CYLD: variants seen among roughly 807,000 people sequenced by gnomAD.
CYLD encodes the protein CYLD lysine 63 deubiquitinase.
In CYLD, 26 loss-of-function variants were observed where a neutral mutation model predicts 104.5. The observed-to-expected ratio is 0.25, with a 90% CI of 0.18 to 0.35. The LOEUF (loss-of-function observed/expected upper bound fraction) is 0.35. Among genes scored for constraint, CYLD ranks in the 10% least tolerant of loss-of-function variants. CYLD has a pLI of 1.00. For synonymous variants in CYLD, 385 were observed against 399.9 expected (o/e 0.96, Z 0.45); for missense variants, 703 against 1,136.1 (o/e 0.62, Z 5.48).
intron 11 of CYLD, 55 bp from the exon 12 acceptor site, chr16:50,784,274 G>A (rs1970585122): frequency 1.3e-6 from 2 of 1,576,138 alleles, no homozygotes; most frequent in Non-Finnish European, 1.7e-6. Flanking sequence ...TTAAAAATCT[G>A]TTTCTTGAAA....
In CYLD at chr16:50,799,442, T is replaced by C. The variant is rs1972308887; in HGVS notation, c.*2934T>C. ...ACTCCATCCACAGAAGAATGTTTTA[T>C]AAGACTAGGAAAACACGTTGAAAAC... On this transcript the variant is annotated 3_prime_UTR_variant, in exon 19 of 19. Coordinates refer to ENST00000427738, the MANE Select transcript of CYLD (RefSeq NM_001378743.1). 1 of 233,618 alleles carries C rather than the reference T, an allele frequency of 4.3e-6. No individual in the cohort carries two copies. The highest frequency in any genetic ancestry group is 2.2e-5 in the African/African-American group (1 of 45,326). The allele number at this position is 233,618 out of a possible 1,614,324, so 14.5% of individuals were successfully genotyped here.
In CYLD at chr16:50,742,802, C is replaced by CCGGA. The variant is rs1226137908; in HGVS notation, c.-162_-159dup. Reference sequence around the variant, plus strand: ...GGTGAGGATGGTTCTACACAGCCACCCGGAGTTCCTTAGTTGAAAGGTGCG... The same window carrying CCGGA: ...GGTGAGGATGGTTCTACACAGCCACCCGGACGGAGTTCCTTAGTTGAAAGGTGCG... On this transcript the variant is annotated 5_prime_UTR_variant, in exon 2 of 19. It removes the in-frame stop codon of an upstream open reading frame in the 5' UTR. Coordinates refer to ENST00000427738, the MANE Select transcript of CYLD (RefSeq NM_001378743.1). 1.0e-5 allele frequency: 4 copies of CCGGA among 397,456 alleles called. No homozygotes were observed. Among genetic ancestry groups the CCGGA allele is most frequent in the Non-Finnish European group, 1.8e-5 (4 of 225,752 alleles). The allele number at this position is 397,456 out of a possible 1,614,324, so 24.6% of individuals were successfully genotyped here. A position where few individuals can be genotyped will look rare whatever the true frequency, so the allele number is the denominator to read the frequency against.
chr16:50,791,490 A>C, intron 14 of CYLD, 68 bp from the exon 15 acceptor site: 1 of 1,564,046 alleles, frequency 6.4e-7, no homozygotes, highest in Non-Finnish European at 8.8e-7. Context: ...CTGCTGGGAC[A>C]ACTTAACATT....
intron 1 of CYLD, chr16:50,742,554 C>A: frequency 5.0e-6 from 1 of 201,606 alleles, no homozygotes; most frequent in Non-Finnish European, 9.8e-6. Flanking sequence ...CCGCCCCCCA[C>A]CCCATTTACA....
chr16:50,786,547 G>A, intron 12 of CYLD: 5 of 298,582 alleles, frequency 1.7e-5, no homozygotes, highest in South Asian at 1.6e-4. Flanking sequence ...ATCACTTGAG[G>A]CCAGGAGTTC....
intron 5 of CYLD, among the ~76,000 whole-genome samples, chr16:50,761,231 A>G (rs1162639953): frequency 6.6e-6 from 1 of 151,586 alleles, no homozygotes; most frequent in East Asian, 1.9e-4. Flanking sequence ...CTCATTTGTC[A>G]TTTGTCTTTT....
chr16:50,742,714 A>C, intron 1 of CYLD, 48 bp from the exon 2 acceptor site: 1 of 398,492 alleles, frequency 2.5e-6, no homozygotes. Context: ...CAGGAATGGC[A>C]GTCGGGGTTC....
chr16:50,792,118 T>C (rs573740690), intron 15 of CYLD, among the ~76,000 whole-genome samples: 1 of 152,348 alleles, frequency 6.6e-6, no homozygotes, highest in African/African-American at 2.4e-5. Context: ...ATTTTTCTTT[T>C]ATTGTCCAAG....
In CYLD at chr16:50,794,189, A is replaced by T; in HGVS notation, c.2470-23A>T. The T allele has an allele frequency of 6.2e-7, 1 of 1,606,614 alleles. No homozygotes were observed. The highest frequency in any genetic ancestry group is 2.2e-5 in the East Asian group (1 of 44,848). On this transcript the variant is annotated intron_variant, in intron 17 of 18. Coordinates refer to ENST00000427738, the MANE Select transcript of CYLD (RefSeq NM_001378743.1). This position sits in a 1 kb window ranked among gnomAD's most constrained non-coding sequence, Gnocchi z 4.1. ...GATCCACCAGCCTCGGCCTAATGAC[A>T]TTCTTTTCATGGTCCATTTTAGGTC...
chr16:50,779,715 C>A lies in CYLD; in HGVS notation c.1189C>A (p.Arg397Ser), dbSNP rs149427272. The change falls in exon 9 of 19, where the codon CGT becomes AGT. Residue 397 changes from arginine to serine, a missense_variant. Physicochemically the swap from Arg to Ser is moderately radical, Grantham distance 110. Transcript: ENST00000427738. ...TACAGAGATATCTACAGACTTTGAC[C>A]GTTCTTCACCACCACTCCAGCCTCC... ...SLTEISTDFD[R>S]SSPPLQPPPV... 11 of 1,613,816 alleles carry A rather than the reference C, an allele frequency of 6.8e-6. No homozygotes were observed. The East Asian group carries it at 2.0e-4, about 29-fold the overall frequency.
At position 50,793,113 on chromosome 16, in the gene CYLD, T is replaced by TACACACACAC. The variant is rs1024974672; in HGVS notation, c.2350+409_2350+410insCACACACACA. Among the ~76,000 whole-genome samples, 256 of 134,256 alleles carry TACACACACAC rather than the reference T, an allele frequency of 1.9e-3. 1 individual carries two copies. Among genetic ancestry groups the TACACACACAC allele is most frequent in the African/African-American group, 7.9e-3 (238 of 30,198 alleles). 88.1% of individuals were successfully genotyped at this position (134,256 alleles called of 152,430 possible). A position where few individuals can be genotyped will look rare whatever the true frequency, so the allele number is the denominator to read the frequency against. On this transcript the variant is annotated intron_variant, in intron 16 of 18. Transcript: ENST00000427738. ...TTGATATATTCTACAAAAGGAGCCA[T>TACACACACAC]ATACACACACACACACACACACACA...
At chr16:50,773,504 A>G (rs573347546) in intron 5 of CYLD, among the ~76,000 whole-genome samples, 7 of 152,284 alleles carry the variant, frequency 4.6e-5, no homozygotes, top group Admixed American at 1.3e-4. Flanking sequence ...ATTCTTCTGT[A>G]GAATAGCTTG....
At chr16:50,795,459 A>G in intron 18 of CYLD, 1 of 690,514 alleles carries the variant, frequency 1.4e-6, no homozygotes, top group East Asian at 2.7e-5. Flanking sequence ...TCTACCTATA[A>G]GGAGTTTGCA....
At chr16:50,781,894 T>C (rs969062509) in intron 10 of CYLD, among the ~76,000 whole-genome samples, 8 of 152,196 alleles carry the variant, frequency 5.3e-5, no homozygotes, top group African/African-American at 1.9e-4. Flanking sequence ...TTTCCACTTC[T>C]ACATAATAGT....
At chr16:50,790,776 G>A (rs1971354923) in intron 14 of CYLD, among the ~76,000 whole-genome samples, 1 of 151,758 alleles carries the variant, frequency 6.6e-6, no homozygotes, top group Non-Finnish European at 1.5e-5. Flanking sequence ...CTAGATATAA[G>A]TTTAGATGTA....
intron 5 of CYLD, among the ~76,000 whole-genome samples, chr16:50,755,774 AT>A (rs1334902452): frequency 3.9e-5 from 6 of 152,010 alleles, no homozygotes; most frequent in Admixed American, 3.9e-4. Flanking sequence ...TGTAGATTCT[AT>A]ATATTAGTTC....
In CYLD at chr16:50,782,467, G is replaced by A; in HGVS notation, c.1826+1G>A. ...GTTACTTAGACTCAACCTTATTCTG[G>A]TAAGTTTAAAAAGAATGCAATAGGT... is the stretch of plus-strand genomic sequence containing the variant. On this transcript the variant is annotated splice_donor_variant, in intron 11 of 18. Transcript: ENST00000427738. LOFTEE classifies it high-confidence loss of function. 6.2e-7 allele frequency: 1 copy of A among 1,613,954 alleles called. No homozygotes were observed. Among genetic ancestry groups the A allele is most frequent in the South Asian group, 1.1e-5 (1 of 91,078 alleles).
intron 5 of CYLD, among the ~76,000 whole-genome samples, chr16:50,760,611 T>A (rs994497948): frequency 6.6e-6 from 1 of 152,220 alleles, no homozygotes; most frequent in Non-Finnish European, 1.5e-5. Flanking sequence ...CTTTGTATAT[T>A]TGCAAACAGA....
chr16:50,799,003 A>G lies in CYLD; in HGVS notation c.*2495A>G, dbSNP rs944386630. 7 of 233,282 alleles carry G rather than the reference A, an allele frequency of 3.0e-5. No homozygotes were observed. The highest frequency in any genetic ancestry group is 1.2e-3 in the Middle Eastern group (1 of 810). The allele number at this position is 233,282 out of a possible 1,614,324, so 14.5% of individuals were successfully genotyped here. On this transcript the variant is annotated 3_prime_UTR_variant, in exon 19 of 19. Coordinates refer to ENST00000427738, the MANE Select transcript of CYLD (RefSeq NM_001378743.1). ...CCTGGCTCCCTCTGGGTAGCCCCCT[A>G]CTGTTCTGTGCTTCAGCACAGCCTG...
Sources: allele counts gnomAD v4.1 joint callset (sites outside exome capture counted in the v4.1 genomes callset), GRCh38; gene constraint gnomAD v4.1.1; non-coding constraint Gnocchi (gnomAD v3.1); transcripts MANE v1.5; gene names NCBI Gene and HGNC (gene_info 2026-07-23, HGNC 2026-07-21).